C3: variants seen among roughly 807,000 people sequenced by gnomAD.
C3 encodes the protein C3 and PZP-like alpha-2-macroglobulin domain-containing protein 1.
A neutral mutation model predicts 207.9 loss-of-function variants in C3; 97 were observed. The ratio of observed to expected loss-of-function variants is 0.47; its 90% CI spans 0.40 to 0.55. The LOEUF is 0.55. C3 is among the 20% of genes least tolerant of loss of function. C3 has a pLI of 0.00. For synonymous variants in C3, 848 were observed against 857.6 expected (o/e 0.99, Z 0.20); for missense variants, 1,684 against 2,171.7 (o/e 0.78, Z 4.46).
intron 15 of C3, 69 bp from the exon 16 acceptor site, chr19:6,707,606 C>T (rs1373931615): frequency 8.9e-6 from 14 of 1,581,424 alleles, no homozygotes; most frequent in East Asian, 4.5e-5. Flanking sequence ...TCACCCCTCA[C>T]GATCGTGTGA....
chr19:6,716,005 T>C (rs961117060), intron 4 of C3, among the ~76,000 whole-genome samples: 10 of 152,264 alleles, frequency 6.6e-5, no homozygotes, highest in East Asian at 3.9e-4. Context: ...AGACATCTAA[T>C]TGGAGCTGGG....
chr19:6,710,899 G>A, intron 12 of C3, 54 bp from the exon 13 acceptor site: 6 of 1,603,694 alleles, frequency 3.7e-6, no homozygotes, highest in East Asian at 4.5e-5. Flanking sequence ...GGGAACGCAG[G>A]GAGGGATCCG....
At chr19:6,705,150 T>G (rs1400771857) in intron 17 of C3, among the ~76,000 whole-genome samples, 1 of 152,098 alleles carries the variant, frequency 6.6e-6, no homozygotes, top group Non-Finnish European at 1.5e-5. Flanking sequence ...TGACCCCCAA[T>G]GGGCCAAAGG....
chr19:6,679,915 C>G (rs1200960662), intron 36 of C3, among the ~76,000 whole-genome samples: 1 of 152,072 alleles, frequency 6.6e-6, no homozygotes, highest in Non-Finnish European at 1.5e-5. Context: ...ACCCTGGGAC[C>G]TTCAGATTAC....
chr19:6,712,427 G>A (rs755646950), intron 10 of C3, 21 bp from the exon 11 acceptor site: 6 of 1,614,172 alleles, frequency 3.7e-6, no homozygotes, highest in South Asian at 1.1e-5. Context: ...GGGTGCAGGT[G>A]GGGGAAGTTC....
intron 40 of C3, 52 bp from the exon 41 acceptor site, chr19:6,678,075 G>C (rs1012252412): frequency 6.2e-7 from 1 of 1,614,084 alleles, no homozygotes; most frequent in Non-Finnish European, 8.5e-7. Context: ...GCGTGGCGCA[G>C]GGGCGTGACA....
chr19:6,701,815 G>C (rs1316789227), intron 19 of C3, among the ~76,000 whole-genome samples: 1 of 152,138 alleles, frequency 6.6e-6, no homozygotes. Context: ...GTGAGCCATC[G>C]AGGCTGGCCC....
intron 19 of C3, among the ~76,000 whole-genome samples, chr19:6,701,478 C>G (rs1020663584): frequency 6.6e-6 from 1 of 152,144 alleles, no homozygotes; most frequent in Non-Finnish European, 1.5e-5. Flanking sequence ...CTGGCTCGTT[C>G]TGTTGAGCAG....
rs117395803 is a variant in C3, at chr19:6,691,407, C to A, written c.3391-680G>T. ...TCTGTGCAAGGGAAAGAGGACATCGCAGCGATAATGAACTGTGGGAGTGTG... is the reference window on the plus strand; with the variant it reads ...TCTGTGCAAGGGAAAGAGGACATCGAAGCGATAATGAACTGTGGGAGTGTG... On this transcript the variant is annotated intron_variant, in intron 26 of 40. Coordinates refer to ENST00000245907, the MANE Select transcript of C3 (RefSeq NM_000064.4). Among the ~76,000 whole-genome samples the A allele has an allele frequency of 3.0e-3, 461 of 152,190 alleles. 8 individuals carry two copies. In the East Asian group the frequency reaches 0.039, roughly 13 times the overall value.
intron 26 of C3, among the ~76,000 whole-genome samples, chr19:6,692,311 G>A (rs1918189184): frequency 2.0e-5 from 3 of 152,182 alleles, no homozygotes; most frequent in Non-Finnish European, 2.9e-5. Context: ...TGTTGCTGCC[G>A]CTGGTCTGAG....
chr19:6,678,572 C>T (rs915820991), intron 38 of C3, 117 bp from the exon 39 acceptor site: 1 of 768,906 alleles, frequency 1.3e-6, no homozygotes, highest in South Asian at 1.5e-5. Context: ...GTTGCAGAAT[C>T]ACAGCCAGTC....
Position 6,690,660 on chromosome 19 carries a change from T to TC in C3, c.3457dup (p.Glu1153GlyfsTer3), listed in dbSNP as rs1918142604. ...CTGCTCCTCGCAAATATCTTTAGCC[T>TC]CCTGCAGCGAGATGAGAACAAAGGC... On this transcript the variant is annotated frameshift_variant, in exon 27 of 41. Transcript: ENST00000245907. LOFTEE classifies it high-confidence loss of function. 1 of 1,614,102 alleles carries TC rather than the reference T, an allele frequency of 6.2e-7. No individual in the cohort carries two copies. Among genetic ancestry groups the TC allele is most frequent in the Non-Finnish European group, 8.5e-7 (1 of 1,180,030 alleles).
chr19:6,687,298 A>G (rs1918035346), intron 27 of C3, among the ~76,000 whole-genome samples: 1 of 152,218 alleles, frequency 6.6e-6, no homozygotes, highest in African/African-American at 2.4e-5. Flanking sequence ...ATTGTTACTC[A>G]TAAACTAGTA....
At chr19:6,687,850 T>G (rs1918048361) in intron 27 of C3, among the ~76,000 whole-genome samples, 2 of 151,384 alleles carry the variant, frequency 1.3e-5, no homozygotes, top group African/African-American at 4.9e-5. Context: ...GGTTGGGTTT[T>G]TTGTTGTTGC....
intron 14 of C3, among the ~76,000 whole-genome samples, chr19:6,708,260 C>T (rs1967826582): frequency 6.6e-6 from 1 of 152,114 alleles, no homozygotes; most frequent in Admixed American, 6.6e-5. Context: ...CCTCAGCCTC[C>T]CGAGTATCTG....
chr19:6,692,849 G>A lies in C3; in HGVS notation c.3390+75C>T, dbSNP rs998813315. The A allele has an allele frequency of 5.8e-6, 9 of 1,544,228 alleles. No homozygotes were observed. The Admixed American group carries it at 8.3e-5, about 14-fold the overall frequency. On this transcript the variant is annotated intron_variant, in intron 26 of 40. Coordinates refer to ENST00000245907, the MANE Select transcript of C3 (RefSeq NM_000064.4). ...TTGGGCAGTGGGCACATGGAGGTGG[G>A]GCTCTCTCTCGTGTTCATCCTGCGA...
chr19:6,720,423 A>G, intron 1 of C3, 93 bp downstream of exon 1: 2 of 898,294 alleles, frequency 2.2e-6, no homozygotes, highest in Middle Eastern at 2.1e-4. Flanking sequence ...AAACACCCAA[A>G]TGCACCCTGA....
chr19:6,704,839 G>A lies in C3; in HGVS notation c.2245+2237C>T, dbSNP rs1034734765. Among the ~76,000 whole-genome samples, 12 of 151,920 alleles carry A rather than the reference G, an allele frequency of 7.9e-5. No individual in the cohort carries two copies. The East Asian group carries it at 1.2e-3, about 15-fold the overall frequency. ...CTTGAACCCATGAGGTGGAGGTTGC[G>A]GTGAGCCGAGGTTGTGCCACTGTAC... On this transcript the variant is annotated intron_variant, in intron 17 of 40. Transcript: ENST00000245907.
intron 17 of C3, among the ~76,000 whole-genome samples, chr19:6,704,112 TA>T (rs1967725947): frequency 6.6e-6 from 1 of 151,946 alleles, no homozygotes; most frequent in South Asian, 2.1e-4. Context: ...ACCCTCTCTC[TA>T]CAAATAATAA....
Sources: gnomAD v4.1 joint callset for allele counts (sites outside exome capture counted in the v4.1 genomes callset) on GRCh38, gnomAD v4.1.1 for gene constraint, MANE v1.5 for transcripts, NCBI Gene and HGNC (gene_info 2026-07-23, HGNC 2026-07-21) for gene names.